KIZ: variants seen among roughly 807,000 people sequenced by gnomAD.
The protein encoded by KIZ is centrosomal protein kizuna.
In KIZ, 68 loss-of-function variants were observed where a neutral mutation model predicts 79.6. That is an observed-to-expected ratio of 0.85 (90% CI 0.70 to 1.05). The LOEUF (loss-of-function observed/expected upper bound fraction) is 1.05, where lower values mean the gene tolerates loss of function less well. Ranked by LOEUF, KIZ falls within the 50% of genes least tolerant of loss-of-function variation. KIZ has a pLI of 0.00. For synonymous variants in KIZ, 280 were observed against 281.8 expected (o/e 0.99, Z 0.06); for missense variants, 797 against 800.4 (o/e 1.00, Z 0.05).
At chr20:21,132,283 G>GT (rs1268172063) in intron 2 of KIZ, 124 bp downstream of exon 2, 4 of 568,936 alleles carry the variant, frequency 7.0e-6, no homozygotes, top group African/African-American at 5.9e-5. Flanking sequence ...GTTTTGTTTA[G>GT]TTTTTTTGAG....
intron 6 of KIZ, among the ~76,000 whole-genome samples, chr20:21,200,048 T>C (rs1488597356): frequency 6.6e-6 from 1 of 152,182 alleles, no homozygotes; most frequent in Non-Finnish European, 1.5e-5. Flanking sequence ...CTTGAACTCC[T>C]GGCCTCAAGT....
At chr20:21,144,123 T>G (rs908662568) in intron 3 of KIZ, 4 of 152,274 alleles carry the variant, frequency 2.6e-5, no homozygotes, top group Admixed American at 1.3e-4. Context: ...TATCACTTCC[T>G]TTTTCCTTCA....
In KIZ at chr20:21,145,754, C is replaced by A. The variant is rs770822695; in HGVS notation, c.405+100C>A. ...AATAAAATCATCTTATTAGGAAGATCCCTTTGATTAAACCTTACGTGATTA... is the reference window on the plus strand; with the variant it reads ...AATAAAATCATCTTATTAGGAAGATACCTTTGATTAAACCTTACGTGATTA... On this transcript the variant is annotated intron_variant, in intron 4 of 12. Coordinates refer to ENST00000619189, the MANE Select transcript of KIZ (RefSeq NM_018474.6). The A allele has an allele frequency of 1.2e-5, 6 of 507,414 alleles. No homozygotes were observed. In the Middle Eastern group the frequency reaches 9.8e-4, roughly 83 times the overall value. 31.4% of individuals were successfully genotyped at this position (507,414 alleles called of 1,614,324 possible).
intron 7 of KIZ, among the ~76,000 whole-genome samples, chr20:21,210,251 T>G (rs529959438): frequency 6.6e-6 from 1 of 152,234 alleles, no homozygotes; most frequent in East Asian, 1.9e-4. Context: ...GAGGTTGCAG[T>G]GAGCTTCGAT....
chr20:21,239,206 AGG>A (rs1244125085), intron 11 of KIZ, among the ~76,000 whole-genome samples: 1 of 152,238 alleles, frequency 6.6e-6, no homozygotes, highest in Non-Finnish European at 1.5e-5. Flanking sequence ...GAACTTGCCC[AGG>A]ATCATGCAGT....
At chr20:21,140,300 A>C (rs558105801) in intron 3 of KIZ, among the ~76,000 whole-genome samples, 2 of 152,270 alleles carry the variant, frequency 1.3e-5, no homozygotes, top group Admixed American at 1.3e-4. Context: ...CACACCCCAA[A>C]ATGCCACAGG....
chr20:21,166,649 G>T (rs1204892410), intron 6 of KIZ: 3 of 792,704 alleles, frequency 3.8e-6, no homozygotes, highest in African/African-American at 3.5e-5. Flanking sequence ...GGAGAGACTT[G>T]GTTTCTCCAT....
At chr20:21,156,797 A>C (rs1275065698) in intron 4 of KIZ, among the ~76,000 whole-genome samples, 1 of 152,198 alleles carries the variant, frequency 6.6e-6, no homozygotes, top group East Asian at 1.9e-4. Flanking sequence ...GTTCAGAAAA[A>C]AATCATAGCT....
At position 21,126,144 on chromosome 20, in the gene KIZ, C is replaced by T; in HGVS notation, c.29C>T (p.Pro10Leu). MSRTLASAV[P>L]LSSPDYYERL... ...AGCCGGACCCTCGCATCGGCCGTGC[C>T]CCTGTCGAGTCCCGACTACTACGAG... The change falls in exon 1 of 13, where the codon CCC becomes CTC. Residue 10 changes from proline (P) to leucine (L), a missense_variant. By Grantham distance (98) the Pro-to-Leu change is moderately conservative (BLOSUM62 -3). Coordinates refer to ENST00000619189, the MANE Select transcript of KIZ (RefSeq NM_018474.6). 1 of 1,514,926 alleles carries T rather than the reference C, an allele frequency of 6.6e-7. No homozygotes were observed. The highest frequency in any genetic ancestry group is 1.2e-5 in the South Asian group (1 of 80,974). The allele number at this position is 1,514,926 out of a possible 1,614,324, so 93.8% of individuals were successfully genotyped here.
Position 21,205,550 on chromosome 20 carries a change from C to A in KIZ, c.1412C>A (p.Thr471Asn). 1.3e-6 allele frequency: 2 copies of A among 1,559,696 alleles called. No individual in the cohort carries two copies. Among genetic ancestry groups the A allele is most frequent in the Non-Finnish European group, 1.7e-6 (2 of 1,142,980 alleles). ...GCACAGGTGGGTCAGCATGTTGCCA[C>A]CTTGAAAGAACATGATAATTCTGTC... ...PRAQVGQHVA[T>N]LKEHDNSVKE... The change falls in exon 7 of 13, where the codon ACC becomes AAC. Residue 471 changes from threonine to asparagine, a missense_variant. Coordinates refer to ENST00000619189, the MANE Select transcript of KIZ (RefSeq NM_018474.6).
At chr20:21,238,384 TGA>T (rs946055854) in intron 11 of KIZ, among the ~76,000 whole-genome samples, 48 of 150,482 alleles carry the variant, frequency 3.2e-4, no homozygotes, top group African/African-American at 1.1e-3. Flanking sequence ...TGTGAGTGTG[TGA>T]GAGAGTGTGT....
In KIZ at chr20:21,232,374, G is replaced by A. The variant is rs530964673; in HGVS notation, c.1784-360G>A. ...ATCCATGGGTCTCAATTATTTCTGA[G>A]CCCTGGTTTGCTGCCCGTGTGTTAT... On this transcript the variant is annotated intron_variant, in intron 10 of 12. Transcript: ENST00000619189. Among the ~76,000 whole-genome samples the A allele has an allele frequency of 7.9e-5, 12 of 152,272 alleles. No homozygotes were observed. The East Asian group carries it at 2.3e-3, about 29-fold the overall frequency.
intron 11 of KIZ, among the ~76,000 whole-genome samples, chr20:21,233,234 G>A (rs2036893570): frequency 6.6e-6 from 1 of 152,152 alleles, no homozygotes; most frequent in Non-Finnish European, 1.5e-5. Flanking sequence ...GTAATTGCTG[G>A]ATATTCATTT....
Position 21,207,700 on chromosome 20 carries a change from G to T in KIZ, c.1446+2116G>T, listed in dbSNP as rs76327325. Among the ~76,000 whole-genome samples the T allele has an allele frequency of 2.0e-3, 300 of 151,856 alleles. 1 individual carries two copies. Among genetic ancestry groups the T allele is most frequent in the African/African-American group, 6.9e-3 (284 of 41,402 alleles). ...TATTCCTTCTTTGCTGATGAATGTA[G>T]ATCTTTTTTGTTTGTTTTTTCGAGA... On this transcript the variant is annotated intron_variant, in intron 7 of 12. Transcript: ENST00000619189.
chr20:21,217,288 T>TG (rs1391543770), intron 9 of KIZ, among the ~76,000 whole-genome samples: 1 of 152,226 alleles, frequency 6.6e-6, no homozygotes, highest in African/African-American at 2.4e-5. Context: ...CTAATACTGT[T>TG]GCTTTGTCCA....
At chr20:21,221,162 C>A (rs979434692) in intron 9 of KIZ, among the ~76,000 whole-genome samples, 4 of 152,150 alleles carry the variant, frequency 2.6e-5, no homozygotes, top group Non-Finnish European at 5.9e-5. Context: ...GAACTACTTA[C>A]ATCCGCAAAG....
intron 4 of KIZ, among the ~76,000 whole-genome samples, chr20:21,161,528 C>T (rs923977699): frequency 1.3e-5 from 2 of 152,030 alleles, no homozygotes; most frequent in Non-Finnish European, 1.5e-5. Context: ...GACGGGGTTT[C>T]ACCATGTCAG....
At chr20:21,147,961 T>TTGTGTGTG (rs61333547) in intron 4 of KIZ, among the ~76,000 whole-genome samples, 11,766 of 141,008 alleles carry the variant, frequency 0.083, 534 homozygotes, top group Non-Finnish European at 0.094. Context: ...CTCCTGGAAT[T>TTGTGTGTG]TGTGTGTGTG....
At chr20:21,204,271 A>G (rs934041393) in intron 6 of KIZ, among the ~76,000 whole-genome samples, 1 of 149,688 alleles carries the variant, frequency 6.7e-6, no homozygotes, top group African/African-American at 2.4e-5. Flanking sequence ...GCCCGCCACT[A>G]CGCCCGGCTA....
Sources: gnomAD v4.1 joint callset for allele counts (sites outside exome capture counted in the v4.1 genomes callset) on GRCh38, gnomAD v4.1.1 for gene constraint, MANE v1.5 for transcripts, NCBI Gene and HGNC (gene_info 2026-07-23, HGNC 2026-07-21) for gene names.